Variants in DST observed in about 807,000 individuals in gnomAD.
The protein encoded by DST is dystonin.
In DST, 253 loss-of-function variants were observed where a neutral mutation model predicts 875.2. That is an observed-to-expected ratio of 0.29 (90% CI 0.26 to 0.32). The LOEUF is 0.32. DST is among the 10% of genes least tolerant of loss of function. The pLI is 1.00. For missense variants in DST, 8,287 were observed against 9,111.6 expected (o/e 0.91, Z 3.68); for synonymous variants, 3,124 against 3,197.1 (o/e 0.98, Z 0.77).
At chr6:56,823,865 C>T (rs1028285521) in intron 4 of DST, among the ~76,000 whole-genome samples, 5 of 152,102 alleles carry the variant, frequency 3.3e-5, no homozygotes, top group Admixed American at 1.3e-4. Context: ...ATCTTAAAAG[C>T]CCAAAACCTG....
At chr6:56,917,177 T>G (rs1412317044) in intron 2 of DST, among the ~76,000 whole-genome samples, 1 of 152,152 alleles carries the variant, frequency 6.6e-6, no homozygotes, top group Admixed American at 6.5e-5. Context: ...GTATTTGGTC[T>G]GTGTTCAAGT....
At chr6:56,703,567 C>T (rs976432277) in intron 7 of DST, 81 bp downstream of exon 7, 1 of 473,790 alleles carries the variant, frequency 2.1e-6, no homozygotes, top group African/African-American at 2.1e-5. Context: ...GGAGCCTGAA[C>T]CCAGGAGTTA....
intron 61 of DST, among the ~76,000 whole-genome samples, chr6:56,549,878 C>A: frequency 6.6e-6 from 1 of 152,222 alleles, no homozygotes; most frequent in South Asian, 2.1e-4. Flanking sequence ...AAAGTTTACA[C>A]GAAGCAGTGC....
At chr6:56,715,716 C>T (rs2099392316) in intron 5 of DST, among the ~76,000 whole-genome samples, 1 of 152,180 alleles carries the variant, frequency 6.6e-6, no homozygotes, top group Non-Finnish European at 1.5e-5. Context: ...CTCAGGGCAG[C>T]TCAGAGAGAT....
intron 9 of DST, among the ~76,000 whole-genome samples, chr6:56,675,850 C>CAATA (rs1186101513): frequency 6.6e-6 from 1 of 151,230 alleles, no homozygotes; most frequent in South Asian, 2.1e-4. Flanking sequence ...TGCTCCATCT[C>CAATA]AATAAATAAA....
intron 47 of DST, among the ~76,000 whole-genome samples, chr6:56,594,485 C>T (rs1361843490): frequency 1.3e-5 from 2 of 152,114 alleles, no homozygotes; most frequent in Non-Finnish European, 2.9e-5. Flanking sequence ...ATTTCTATTC[C>T]AATTTTAAAA....
intron 4 of DST, among the ~76,000 whole-genome samples, chr6:56,789,253 G>A (rs879586823): frequency 1.3e-5 from 2 of 152,066 alleles, no homozygotes; most frequent in Non-Finnish European, 2.9e-5. Flanking sequence ...AGGATCATTT[G>A]AGCCCAGGAG....
rs1387988138 is a variant in DST, at chr6:56,573,849, C to G, written c.13066G>C (p.Val4356Leu). The stretch of plus-strand genomic sequence containing the variant: ...TGGAGTTTTTCATTTCGTTCATTAA[C>G]AGACTTGGACAGATCCTCATATCTC... ...VGRYEDLSKSVNERNEKLQIT... is the reference protein window; with the variant it reads ...VGRYEDLSKSLNERNEKLQIT... Residue 4356 changes from valine (V) to leucine (L), a missense_variant, in exon 51 of 104, where the codon GTT becomes CTT. By Grantham distance (32) the Val-to-Leu change is conservative. This residue lies in a region of DST where 1,513 missense variants were observed against 1,677.8 expected (regional missense o/e 0.90). Coordinates refer to ENST00000680361, the MANE Select transcript of DST (RefSeq NM_001374736.1). 6.2e-7 allele frequency: 1 copy of G among 1,613,158 alleles called. No individual in the cohort carries two copies. The highest frequency in any genetic ancestry group is 8.5e-7 in the Non-Finnish European group (1 of 1,179,546).
At chr6:56,944,105 AGAC>A (rs1818178222) in intron 2 of DST, among the ~76,000 whole-genome samples, 1 of 152,198 alleles carries the variant, frequency 6.6e-6, no homozygotes, top group South Asian at 2.1e-4. Context: ...CAACAGAGAG[AGAC>A]CCTGTCTCAA....
At chr6:56,797,189 G>A (rs1225608797) in intron 4 of DST, among the ~76,000 whole-genome samples, 3 of 151,962 alleles carry the variant, frequency 2.0e-5, no homozygotes, top group African/African-American at 7.3e-5. Flanking sequence ...TTCTTTTGGG[G>A]CACCACAAGC....
Position 56,617,016 on chromosome 6 carries a change from T to A in DST, c.4930-2532A>T, listed in dbSNP as rs1274594122. 3.7e-6 allele frequency: 6 copies of A among 1,612,232 alleles called. No individual in the cohort carries two copies. The highest frequency in any genetic ancestry group is 5.1e-6 in the Non-Finnish European group (6 of 1,179,186). Reference sequence around the variant, plus strand: ...CTCTCGGCCGCTGAGGCAAATGAAATCTTTTCTTTTGTAGATTCTAGGTAA... The same window carrying A: ...CTCTCGGCCGCTGAGGCAAATGAAAACTTTTCTTTTGTAGATTCTAGGTAA... On this transcript the variant is annotated intron_variant, in intron 36 of 103. Transcript: ENST00000680361.
chr6:56,948,219 A>T (rs1820660413), intron 2 of DST, among the ~76,000 whole-genome samples: 1 of 151,478 alleles, frequency 6.6e-6, no homozygotes, highest in Non-Finnish European at 1.5e-5. Context: ...TCAGCATACG[A>T]TTTTTTTTTC....
intron 92 of DST, among the ~76,000 whole-genome samples, chr6:56,475,005 T>C (rs2152406066): frequency 6.7e-6 from 1 of 150,158 alleles, no homozygotes; most frequent in East Asian, 2.0e-4. Context: ...TTTGATATAT[T>C]ATGACATAAT....
intron 43 of DST, chr6:56,602,129 C>A: frequency 7.8e-6 from 2 of 257,506 alleles, no homozygotes; most frequent in Non-Finnish European, 1.5e-5. Flanking sequence ...TTCTGACTCT[C>A]AGGCCAGAAG....
intron 2 of DST, among the ~76,000 whole-genome samples, chr6:56,912,428 C>T (rs1799148734): frequency 6.6e-6 from 1 of 152,180 alleles, no homozygotes; most frequent in African/African-American, 2.4e-5. Context: ...AGTAGAGACC[C>T]TATTGGATAA....
chr6:56,690,818 CAG>C (rs2099223394), intron 9 of DST, among the ~76,000 whole-genome samples: 1 of 152,142 alleles, frequency 6.6e-6, no homozygotes, highest in Non-Finnish European at 1.5e-5. Flanking sequence ...AATTAAGAAA[CAG>C]AGTCAAACAC....
intron 61 of DST, among the ~76,000 whole-genome samples, chr6:56,543,036 G>A (rs2097163252): frequency 6.6e-6 from 1 of 152,240 alleles, no homozygotes; most frequent in African/African-American, 2.4e-5. Context: ...GACAGCTCAG[G>A]TTCAAACACC....
chr6:56,598,060 T>C lies in DST; in HGVS notation c.11929-54A>G, dbSNP rs1326478872. ...TCAGAACGTGGGCCAAGGCATAGTT[T>C]TAAGACATTCCAAAAGTAAATACTT... On this transcript the variant is annotated intron_variant, in intron 46 of 103. Transcript: ENST00000680361. The C allele has an allele frequency of 2.7e-6, 4 of 1,463,706 alleles. No individual in the cohort carries two copies. In the East Asian group the frequency reaches 9.2e-5, roughly 34 times the overall value. The allele number at this position is 1,463,706 out of a possible 1,614,324, so 90.7% of individuals were successfully genotyped here. A position where few individuals can be genotyped will look rare whatever the true frequency, so the allele number is the denominator to read the frequency against.
chr6:56,931,824 G>T (rs534080317), intron 2 of DST, among the ~76,000 whole-genome samples: 1 of 152,312 alleles, frequency 6.6e-6, no homozygotes, highest in East Asian at 1.9e-4. Context: ...CCCAATACCT[G>T]TAACCCCATT....
Sources: allele counts gnomAD v4.1 joint callset (sites outside exome capture counted in the v4.1 genomes callset), GRCh38; gene constraint gnomAD v4.1.1; regional missense constraint gnomAD v4.1.1; transcripts MANE v1.5; gene names NCBI Gene and HGNC (gene_info 2026-07-23, HGNC 2026-07-21).